The following EFCAB11 variants were observed in gnomAD, a reference collection of about 807,000 sequenced individuals.
EFCAB11 encodes EF-hand calcium-binding domain-containing protein 11.
EFCAB11 carries 14 observed loss-of-function variants against 23.0 expected under a neutral mutation model. That is an observed-to-expected ratio of 0.61 (90% CI 0.40 to 0.95). The LOEUF is 0.95. EFCAB11 is among the 40% of genes least tolerant of loss of function. EFCAB11 has a pLI of 0.00. For missense variants in EFCAB11, 198 were observed against 195.8 expected, an observed-to-expected ratio of 1.01 and a Z score of -0.07; for synonymous variants, 65 against 66.6, an observed-to-expected ratio of 0.98 and a Z score of 0.11.
chr14:89,811,065 G>A (rs1886135959), intron 5 of EFCAB11, among the ~76,000 whole-genome samples: 1 of 152,072 alleles, frequency 6.6e-6, no homozygotes, highest in South Asian at 2.1e-4. Flanking sequence ...AGCAGGACCT[G>A]GCTGAAATCT....
chr14:89,835,753 G>C (rs1398548571), intron 5 of EFCAB11, among the ~76,000 whole-genome samples: 1 of 151,940 alleles, frequency 6.6e-6, no homozygotes, highest in Non-Finnish European at 1.5e-5. Flanking sequence ...TCAGCCTCCT[G>C]AGTAGTTGGG....
intron 3 of EFCAB11, among the ~76,000 whole-genome samples, chr14:89,949,328 A>G (rs940359407): frequency 2.0e-5 from 3 of 152,202 alleles, no homozygotes; most frequent in African/African-American, 7.2e-5. Flanking sequence ...GGGAAACAAA[A>G]TAAAGATGTG....
chr14:89,863,585 G>T (rs984757150), intron 5 of EFCAB11, among the ~76,000 whole-genome samples: 1 of 152,170 alleles, frequency 6.6e-6, no homozygotes, highest in African/African-American at 2.4e-5. Context: ...CATGTTATTT[G>T]CTTTTCTTCC....
intron 5 of EFCAB11, among the ~76,000 whole-genome samples, chr14:89,902,627 G>A (rs1889375580): frequency 6.6e-6 from 1 of 152,136 alleles, no homozygotes; most frequent in African/African-American, 2.4e-5. Flanking sequence ...ACTTAAAAAT[G>A]GGGGAGGGCA....
chr14:89,866,646 C>T (rs1011906305), intron 5 of EFCAB11, among the ~76,000 whole-genome samples: 11 of 152,206 alleles, frequency 7.2e-5, no homozygotes, highest in African/African-American at 2.4e-4. Flanking sequence ...GCCTTGATCT[C>T]CTTGTCTAGG....
At chr14:89,869,049 T>A (rs1277435840) in intron 5 of EFCAB11, among the ~76,000 whole-genome samples, 1 of 151,382 alleles carries the variant, frequency 6.6e-6, no homozygotes, top group Non-Finnish European at 1.5e-5. Flanking sequence ...AAAAAAAAAA[T>A]TAAATTAGCC....
At chr14:89,849,559 T>C (rs1055154753) in intron 5 of EFCAB11, among the ~76,000 whole-genome samples, 16 of 151,954 alleles carry the variant, frequency 1.1e-4, no homozygotes, top group African/African-American at 2.9e-4. Context: ...TTTGCTTGTC[T>C]GTAGCTTCCG....
In EFCAB11 at chr14:89,876,490, A is replaced by T. The variant is rs889539984; in HGVS notation, c.410+55051T>A. Among the ~76,000 whole-genome samples, 6 of 152,180 alleles carry T rather than the reference A, an allele frequency of 3.9e-5. No individual in the cohort carries two copies. In the South Asian group the frequency reaches 6.2e-4, roughly 16 times the overall value. ...TGATTATATATGTAAGATGTGTTTTAAAAAAAGTAAAAAACAAAACAACAT... is the reference window on the plus strand; with the variant it reads ...TGATTATATATGTAAGATGTGTTTTTAAAAAAGTAAAAAACAAAACAACAT... On this transcript the variant is annotated intron_variant, in intron 5 of 5. Coordinates refer to ENST00000316738, the MANE Select transcript of EFCAB11 (RefSeq NM_145231.4).
intron 5 of EFCAB11, among the ~76,000 whole-genome samples, chr14:89,929,846 A>C (rs1890330077): frequency 6.6e-6 from 1 of 152,266 alleles, no homozygotes; most frequent in African/African-American, 2.4e-5. Context: ...ATTCATCGTT[A>C]AAACATTGCC....
intron 5 of EFCAB11, among the ~76,000 whole-genome samples, chr14:89,907,221 C>T (rs1889525632): frequency 2.0e-5 from 3 of 152,178 alleles, no homozygotes; most frequent in African/African-American, 7.2e-5. Context: ...TCAAGCCTGT[C>T]AATTCTGTGA....
intron 5 of EFCAB11, among the ~76,000 whole-genome samples, chr14:89,867,777 G>C (rs1888139786): frequency 6.6e-6 from 1 of 152,192 alleles, no homozygotes. Flanking sequence ...CTACGCCGAG[G>C]AAATGAGAGT....
chr14:89,899,377 C>T (rs1267251778), intron 5 of EFCAB11, among the ~76,000 whole-genome samples: 1 of 152,072 alleles, frequency 6.6e-6, no homozygotes, highest in Non-Finnish European at 1.5e-5. Context: ...CCAGGGAGAC[C>T]CCATTTACAT....
At chr14:89,833,308 C>T (rs1886950271) in intron 5 of EFCAB11, 1 of 152,190 alleles carries the variant, frequency 6.6e-6, no homozygotes, top group South Asian at 2.1e-4. Context: ...GTAGGTACTT[C>T]TGAGTAACAC....
At chr14:89,940,658 T>C (rs933393062) in intron 3 of EFCAB11, among the ~76,000 whole-genome samples, 1 of 152,188 alleles carries the variant, frequency 6.6e-6, no homozygotes, top group Admixed American at 6.5e-5. Context: ...AGTATCAAAG[T>C]AGAATATGTT....
rs539441449 is a variant in EFCAB11, at chr14:89,797,871, T to G, written c.411-547A>C. ...TCACTTGAACCCAGGAGGCAGAGGT[T>G]GCAGTGAGCCGAGATCACGCCACTG... On this transcript the variant is annotated intron_variant, in intron 5 of 5. Coordinates refer to ENST00000316738, the MANE Select transcript of EFCAB11 (RefSeq NM_145231.4). Among the ~76,000 whole-genome samples the G allele has an allele frequency of 2.0e-5, 3 of 152,176 alleles. No individual in the cohort carries two copies. The East Asian group carries it at 5.8e-4, about 29-fold the overall frequency.
In EFCAB11 at chr14:89,797,132, T is replaced by G; in HGVS notation, c.*111A>C. 2 of 1,036,304 alleles carry G rather than the reference T, an allele frequency of 1.9e-6. No individual in the cohort carries two copies. Among genetic ancestry groups the G allele is most frequent in the East Asian group, 2.6e-5 (1 of 38,444 alleles). 64.2% of individuals were successfully genotyped at this position (1,036,304 alleles called of 1,614,324 possible). Reference sequence around the variant, plus strand: ...ACTATGTACCCACAAAAATTAAAAATTTTTAAATGTTTAATCACAAGTCTG... The same window carrying G: ...ACTATGTACCCACAAAAATTAAAAAGTTTTAAATGTTTAATCACAAGTCTG... On this transcript the variant is annotated 3_prime_UTR_variant, in exon 6 of 6. Coordinates refer to ENST00000316738, the MANE Select transcript of EFCAB11 (RefSeq NM_145231.4).
At chr14:89,954,400 GC>G in intron 1 of EFCAB11, 185 bp downstream of exon 1, 1 of 1,536,406 alleles carries the variant, frequency 6.5e-7, no homozygotes, top group Non-Finnish European at 8.7e-7. Flanking sequence ...CTTGGAGGTA[GC>G]CGTAGTCCTG....
At chr14:89,898,663 CCT>C (rs1491330653) in intron 5 of EFCAB11, among the ~76,000 whole-genome samples, 2 of 126,590 alleles carry the variant, frequency 1.6e-5, no homozygotes, top group African/African-American at 6.4e-5. Context: ...CCGCGCCTGG[CCT>C]CTTTTTTTTT....
intron 5 of EFCAB11, among the ~76,000 whole-genome samples, chr14:89,825,769 C>T (rs945793264): frequency 1.3e-5 from 2 of 151,936 alleles, no homozygotes; most frequent in Non-Finnish European, 2.9e-5. Flanking sequence ...AGAAAGAGAG[C>T]GAGTGCAAGT....
Sources: allele counts gnomAD v4.1 joint callset (sites outside exome capture counted in the v4.1 genomes callset), GRCh38; gene constraint gnomAD v4.1.1; transcripts MANE v1.5; gene names NCBI Gene and HGNC (gene_info 2026-07-23, HGNC 2026-07-21).